ZBTB20: variants seen among roughly 807,000 people sequenced by gnomAD.
ZBTB20 encodes zinc finger and BTB domain containing 20, also known as zinc finger and BTB domain-containing protein 20.
In ZBTB20, 9 loss-of-function variants were observed where a neutral mutation model predicts 56.9. The observed-to-expected ratio is 0.16, with a 90% CI of 0.10 to 0.28. ZBTB20 has a LOEUF of 0.28. Ranked by LOEUF, ZBTB20 falls within the 10% of genes least tolerant of loss-of-function variation. The pLI, the probability that ZBTB20 is intolerant of heterozygous loss-of-function variation, is 1.00. For missense variants in ZBTB20, 655 were observed against 1,003.0 expected (o/e 0.65, Z 4.69); for synonymous variants, 417 against 420.7 (o/e 0.99, Z 0.11).
intron 6 of ZBTB20, among the ~76,000 whole-genome samples, chr3:114,673,028 T>A (rs1231796905): frequency 6.6e-6 from 1 of 152,134 alleles, no homozygotes; most frequent in Non-Finnish European, 1.5e-5. Context: ...GAGAACCACA[T>A]CCCACCTTGT....
intron 7 of ZBTB20, among the ~76,000 whole-genome samples, chr3:114,478,788 G>A (rs2041171197): frequency 6.6e-6 from 1 of 152,114 alleles, no homozygotes; most frequent in Non-Finnish European, 1.5e-5. Context: ...CAAACCTTAT[G>A]AAAAATTAAG....
At chr3:114,830,039 T>G (rs1001339108) in intron 4 of ZBTB20, among the ~76,000 whole-genome samples, 1 of 151,960 alleles carries the variant, frequency 6.6e-6, no homozygotes, top group Non-Finnish European at 1.5e-5. Context: ...CTCATTAAAA[T>G]GTATGCATCA....
chr3:115,143,122 T>C (rs766445839), intron 1 of ZBTB20, among the ~76,000 whole-genome samples: 15 of 152,186 alleles, frequency 9.9e-5, no homozygotes, highest in African/African-American at 3.4e-4. Context: ...CATATACTCA[T>C]TTAACCAGGT....
intron 7 of ZBTB20, among the ~76,000 whole-genome samples, chr3:114,407,332 C>G (rs541908584): frequency 6.6e-6 from 1 of 152,260 alleles, no homozygotes; most frequent in African/African-American, 2.4e-5. Flanking sequence ...TCTGAACTAC[C>G]AGAAAGTGGA....
At chr3:114,364,614 C>G (rs1380317484) in intron 10 of ZBTB20, among the ~76,000 whole-genome samples, 1 of 152,228 alleles carries the variant, frequency 6.6e-6, no homozygotes, top group Admixed American at 6.5e-5. Context: ...GCCTCTAGTA[C>G]AGCAATCTCT....
chr3:114,480,224 T>C (rs1041043147), intron 7 of ZBTB20, among the ~76,000 whole-genome samples: 3 of 152,142 alleles, frequency 2.0e-5, no homozygotes, highest in Non-Finnish European at 4.4e-5. Flanking sequence ...TTTTTTTTTT[T>C]AAGTTGCATA....
chr3:114,863,525 T>G (rs977052309), intron 4 of ZBTB20, among the ~76,000 whole-genome samples: 1 of 152,108 alleles, frequency 6.6e-6, no homozygotes, highest in African/African-American at 2.4e-5. Flanking sequence ...TGCAACTCTA[T>G]CACATATGGG....
intron 7 of ZBTB20, among the ~76,000 whole-genome samples, chr3:114,453,078 A>AGCTC (rs2109045313): frequency 6.6e-6 from 1 of 152,338 alleles, no homozygotes; most frequent in African/African-American, 2.4e-5. Context: ...TTACACATAC[A>AGCTC]GCTCACATCT....
chr3:114,826,311 G>GT (rs147117507), intron 4 of ZBTB20, among the ~76,000 whole-genome samples: 1 of 151,538 alleles, frequency 6.6e-6, no homozygotes. Context: ...TATCTTAGAG[G>GT]TTTTTTCCCC....
chr3:114,674,901 A>G (rs985755245), intron 6 of ZBTB20, among the ~76,000 whole-genome samples: 4 of 151,784 alleles, frequency 2.6e-5, no homozygotes, highest in African/African-American at 7.3e-5. Context: ...GTGTTCTGGT[A>G]TAGTTTTCTG....
Position 114,324,681 on chromosome 3 carries a change from C to T in ZBTB20, c.*14324G>A, listed in dbSNP as rs2079006390. ...GCAAAATTAAGAGTCTGCATTGTAC[C>T]TCTTCTTGTGTTATTCCATAAGAAG... is the stretch of plus-strand genomic sequence containing the variant. On this transcript the variant is annotated 3_prime_UTR_variant, in exon 12 of 12. Transcript: ENST00000675478. 1 of 152,130 alleles carries T rather than the reference C, an allele frequency of 6.6e-6. No individual in the cohort carries two copies. Among genetic ancestry groups the T allele is most frequent in the South Asian group, 2.1e-4 (1 of 4,826 alleles). The allele number at this position is 152,130 out of a possible 1,614,324, so 9.4% of individuals were successfully genotyped here.
rs2079002192 is a variant in ZBTB20 at position 114,324,560 on chromosome 3, C to T, written c.*14445G>A. The T allele has an allele frequency of 6.6e-6, 1 of 151,996 alleles. No individual in the cohort carries two copies. Among genetic ancestry groups the T allele is most frequent in the African/African-American group, 2.4e-5 (1 of 41,388 alleles). 9.4% of individuals were successfully genotyped at this position (151,996 alleles called of 1,614,324 possible). On this transcript the variant is annotated 3_prime_UTR_variant, in exon 12 of 12. Transcript: ENST00000675478. ...TACACATACACAGAAATTCTCAAGG[C>T]CCCTCTCAGAATGATCAATTGAAAA... is the stretch of plus-strand genomic sequence containing the variant.
At chr3:114,380,512 G>T in intron 9 of ZBTB20, 108 bp from the exon 10 acceptor site, 1 of 1,332,934 alleles carries the variant, frequency 7.5e-7, no homozygotes, top group Non-Finnish European at 1.0e-6. Context: ...AAGGGGGATG[G>T]GAGGGAGTCC....
chr3:114,448,374 T>C (rs773841814), intron 7 of ZBTB20, among the ~76,000 whole-genome samples: 26 of 152,192 alleles, frequency 1.7e-4, no homozygotes, highest in Non-Finnish European at 2.9e-4. Flanking sequence ...TTCCTGGTTC[T>C]GTGATCAGAA....
At chr3:115,019,164 T>G (rs1466745386) in intron 2 of ZBTB20, among the ~76,000 whole-genome samples, 1 of 151,342 alleles carries the variant, frequency 6.6e-6, no homozygotes, top group Non-Finnish European at 1.5e-5. Flanking sequence ...TTTCCCAATG[T>G]TGTTGTTACC....
At chr3:115,112,337 T>C (rs2083902487) in intron 1 of ZBTB20, among the ~76,000 whole-genome samples, 1 of 152,132 alleles carries the variant, frequency 6.6e-6, no homozygotes, top group Admixed American at 6.6e-5. Context: ...TACTCTCTTC[T>C]AGCTATTTTG....
chr3:115,095,318 A>C lies in ZBTB20; in HGVS notation c.-702-23904T>G, dbSNP rs531035052. On this transcript the variant is annotated intron_variant, in intron 1 of 11. Transcript: ENST00000675478. ...TTTCCCCAAGTTAAGACAATTACAA[A>C]GGTTGCATTGGTTAACTGAACTACA... Among the ~76,000 whole-genome samples, 6 of 152,270 alleles carry C rather than the reference A, an allele frequency of 3.9e-5. No individual in the cohort carries two copies. The South Asian group carries it at 1.0e-3, about 26-fold the overall frequency.
chr3:114,743,811 G>A (rs1259367443), intron 5 of ZBTB20: 1 of 152,076 alleles, frequency 6.6e-6, no homozygotes, highest in Non-Finnish European at 1.5e-5. Context: ...CCATAAAATT[G>A]TTATTTTTTT....
intron 1 of ZBTB20, among the ~76,000 whole-genome samples, chr3:115,105,504 G>C (rs2083695273): frequency 6.6e-6 from 1 of 152,164 alleles, no homozygotes; most frequent in Non-Finnish European, 1.5e-5. Flanking sequence ...GTGGTTGTGA[G>C]TCAAATCTAG....
Sources: gnomAD v4.1 joint callset for allele counts (sites outside exome capture counted in the v4.1 genomes callset) on GRCh38, gnomAD v4.1.1 for gene constraint, MANE v1.5 for transcripts, NCBI Gene and HGNC (gene_info 2026-07-23, HGNC 2026-07-21) for gene names.